Variants in DPP6 observed in about 807,000 individuals in gnomAD.
DPP6 encodes dipeptidyl peptidase like 6.
A neutral mutation model predicts 122.6 loss-of-function variants in DPP6; 69 were observed. The ratio of observed to expected loss-of-function variants is 0.56; its 90% CI spans 0.46 to 0.69. DPP6 has a LOEUF of 0.69. Among genes scored for constraint, DPP6 ranks in the 30% least tolerant of loss-of-function variants. DPP6 has a pLI of 0.00. For synonymous variants in DPP6, 418 were observed against 433.1 expected (o/e 0.97, Z 0.43); for missense variants, 928 against 1,116.9 (o/e 0.83, Z 2.41).
chr7:154,397,337 G>T (rs971208559), intron 1 of DPP6, among the ~76,000 whole-genome samples: 2 of 151,758 alleles, frequency 1.3e-5, no homozygotes, highest in African/African-American at 4.8e-5. Context: ...TTATGAAAAT[G>T]GTAATGGAAG....
chr7:154,174,194 A>G (rs756173033), intron 1 of DPP6, among the ~76,000 whole-genome samples: 1 of 152,252 alleles, frequency 6.6e-6, no homozygotes, highest in Non-Finnish European at 1.5e-5. Flanking sequence ...CACTAGCTGC[A>G]TGACTTTGGA....
the DPP6 span, among the ~76,000 whole-genome samples, chr7:153,779,011 AT>A: frequency 6.8e-6 from 1 of 147,394 alleles, no homozygotes; most frequent in Non-Finnish European, 1.5e-5. Flanking sequence ...AAAGAAATGA[AT>A]TTCTGATGCA....
chr7:154,505,114 C>CT, intron 3 of DPP6, among the ~76,000 whole-genome samples: 1 of 152,166 alleles, frequency 6.6e-6, no homozygotes, highest in Admixed American at 6.5e-5. Flanking sequence ...ACTGTAGTCT[C>CT]TTCAGAGACT....
intron 3 of DPP6, among the ~76,000 whole-genome samples, chr7:154,516,277 T>G (rs76491782): frequency 4.5e-4 from 67 of 147,594 alleles, no homozygotes; most frequent in African/African-American, 1.6e-3. Context: ...TTTTTTTTTT[T>G]GGTCCAGACA....
At chr7:154,698,829 TGCCAGAG>T (rs1840359571) in intron 7 of DPP6, among the ~76,000 whole-genome samples, 1 of 152,232 alleles carries the variant, frequency 6.6e-6, no homozygotes, top group African/African-American at 2.4e-5. Context: ...CTGATGCCCA[TGCCAGAG>T]GCAGCGACTT....
intron 4 of DPP6, among the ~76,000 whole-genome samples, chr7:154,564,587 T>C (rs1830623858): frequency 6.6e-6 from 1 of 152,228 alleles, no homozygotes; most frequent in South Asian, 2.1e-4. Flanking sequence ...TGGATATCTA[T>C]TCTATACAAA....
intron 15 of DPP6, 36 bp downstream of exon 15, chr7:154,805,000 C>A (rs113463459): frequency 1.2e-4 from 190 of 1,573,916 alleles, no homozygotes; most frequent in Middle Eastern, 1.7e-4. Flanking sequence ...GGGCTCTCCC[C>A]CTTAGGAGGG....
rs543057246 is a variant in DPP6 at position 154,467,364 on chromosome 7, T to G, written c.359-7575T>G. Reference sequence around the variant, plus strand: ...GAGAGGCTGGTGGGAGGTGATTGGATCATGGGGCTGGTTTCTAATGGTTCA... The same window carrying G: ...GAGAGGCTGGTGGGAGGTGATTGGAGCATGGGGCTGGTTTCTAATGGTTCA... On this transcript the variant is annotated intron_variant, in intron 2 of 25. Coordinates refer to ENST00000377770, the MANE Select transcript of DPP6 (RefSeq NM_130797.4). Among the ~76,000 whole-genome samples the G allele has an allele frequency of 3.8e-3, 574 of 152,294 alleles. 3 individuals carry two copies. Among genetic ancestry groups the G allele is most frequent in the African/African-American group, 0.013 (549 of 41,572 alleles).
At chr7:154,446,063 A>G (rs1819839528) in intron 1 of DPP6, 151 bp from the exon 2 acceptor site, 1 of 562,630 alleles carries the variant, frequency 1.8e-6, no homozygotes, top group Admixed American at 3.5e-5. Context: ...AGAAGGGTAC[A>G]AAAGGGAACT....
At chr7:153,917,475 A>G (rs533199011) in intron 1 of DPP6, among the ~76,000 whole-genome samples, 160 of 152,196 alleles carry the variant, frequency 1.1e-3, no homozygotes, top group Middle Eastern at 3.4e-3. Context: ...GTGGCAGTTT[A>G]CCTCCTCCCG....
chr7:154,400,884 G>A (rs557607509), intron 1 of DPP6, among the ~76,000 whole-genome samples: 25 of 152,264 alleles, frequency 1.6e-4, no homozygotes, highest in African/African-American at 5.1e-4. Context: ...TTGGTGTAGT[G>A]TAAGATGAAT....
intron 16 of DPP6, among the ~76,000 whole-genome samples, chr7:154,824,505 C>G (rs1213017677): frequency 6.6e-6 from 1 of 152,216 alleles, no homozygotes; most frequent in Non-Finnish European, 1.5e-5. Context: ...TCTCAAACTC[C>G]TGACCTCAGG....
At chr7:154,598,013 A>C (rs1833205378) in intron 5 of DPP6, among the ~76,000 whole-genome samples, 2 of 152,304 alleles carry the variant, frequency 1.3e-5, no homozygotes, top group Admixed American at 6.5e-5. Flanking sequence ...TCCACCTCCC[A>C]ATAAAGTCCC....
chr7:154,610,012 T>C (rs2130802300), intron 5 of DPP6, among the ~76,000 whole-genome samples: 1 of 152,340 alleles, frequency 6.6e-6, no homozygotes, highest in Middle Eastern at 3.4e-3. Context: ...CATTCATTTA[T>C]TCCTTTGGTT....
chr7:154,602,502 C>G (rs926817372), intron 5 of DPP6, among the ~76,000 whole-genome samples: 1 of 120,978 alleles, frequency 8.3e-6, no homozygotes. Flanking sequence ...ACTGCAACCT[C>G]TGCCTCCCAG....
At chr7:154,528,560 C>T (rs527425751) in intron 3 of DPP6, among the ~76,000 whole-genome samples, 2 of 152,240 alleles carry the variant, frequency 1.3e-5, no homozygotes, top group African/African-American at 4.8e-5. Flanking sequence ...ATTCCTCATA[C>T]ATATATTTTT....
At chr7:154,032,813 C>T (rs1014356776) in intron 1 of DPP6, among the ~76,000 whole-genome samples, 3 of 151,660 alleles carry the variant, frequency 2.0e-5, no homozygotes, top group South Asian at 2.1e-4. Flanking sequence ...CCTGAATCCC[C>T]TCTCTCTTTA....
At position 153,982,477 on chromosome 7, in the gene DPP6, A is replaced by G. The variant is rs1212553041; in HGVS notation, c.51+94743A>G. Among the ~76,000 whole-genome samples, 7 of 152,070 alleles carry G rather than the reference A, an allele frequency of 4.6e-5. No homozygotes were observed. In the East Asian group the frequency reaches 1.4e-3, roughly 30 times the overall value. On this transcript the variant is annotated intron_variant, in intron 1 of 25. Transcript: ENST00000404039. ...TTATCAAAGTTCTTAGCTTCCTTGCATTGGGTTAGAACATGCTCCTTTAGC... is the reference window on the plus strand; with the variant it reads ...TTATCAAAGTTCTTAGCTTCCTTGCGTTGGGTTAGAACATGCTCCTTTAGC...
intron 1 of DPP6, among the ~76,000 whole-genome samples, chr7:154,074,108 G>GATATATAGAGATCTATATAGAGATAT (rs1563170862): frequency 5.8e-3 from 423 of 72,552 alleles, no homozygotes; most frequent in Non-Finnish European, 6.9e-3. Flanking sequence ...TATAGAGATA[G>GATATATAGAGATCTATATAGAGATAT]AGAGATATAT....
Sources: allele counts gnomAD v4.1 joint callset (sites outside exome capture counted in the v4.1 genomes callset), GRCh38; gene constraint gnomAD v4.1.1; transcripts MANE v1.5; gene names NCBI Gene and HGNC (gene_info 2026-07-23, HGNC 2026-07-21).